Variants in FGR observed in about 807,000 individuals in gnomAD.
The protein encoded by FGR is FGR proto-oncogene, Src family tyrosine kinase.
In FGR, 26 loss-of-function variants were observed where a neutral mutation model predicts 63.2. That is an observed-to-expected ratio of 0.41 (90% CI 0.30 to 0.57). The LOEUF is 0.57. FGR is among the 20% of genes least tolerant of loss of function. The pLI is 0.27. For missense variants in FGR, 511 were observed against 690.8 expected (o/e 0.74, Z 2.92); for synonymous variants, 286 against 277.7 (o/e 1.03, Z -0.30).
chr1:27,614,771 A>G, intron 10 of FGR, 79 bp downstream of exon 10: 1 of 1,425,706 alleles, frequency 7.0e-7, no homozygotes, highest in African/African-American at 1.4e-5. Flanking sequence ...CCGCCCTCCC[A>G]GGCGTTTGAA....
At chr1:27,613,943 C>T (rs753587852) in intron 11 of FGR, among the ~76,000 whole-genome samples, 2 of 152,122 alleles carry the variant, frequency 1.3e-5, no homozygotes, top group Non-Finnish European at 2.9e-5. Flanking sequence ...GATATGCATG[C>T]ATTAACTCAT....
At chr1:27,634,883 T>C (rs2090157102) in intron 1 of FGR, among the ~76,000 whole-genome samples, 182 bp downstream of exon 1, 1 of 152,158 alleles carries the variant, frequency 6.6e-6, no homozygotes, top group African/African-American at 2.4e-5. Context: ...GCTTTTCAGG[T>C]CGCCCGTTTT....
At chr1:27,632,585 C>T (rs2090121205) in intron 1 of FGR, among the ~76,000 whole-genome samples, 1 of 152,202 alleles carries the variant, frequency 6.6e-6, no homozygotes, top group African/African-American at 2.4e-5. Flanking sequence ...CCTTTACCCT[C>T]CATGTGGTCC....
intron 2 of FGR, among the ~76,000 whole-genome samples, chr1:27,624,534 T>A (rs1341223050): frequency 6.6e-6 from 1 of 152,232 alleles, no homozygotes; most frequent in Non-Finnish European, 1.5e-5. Flanking sequence ...TCTCTAAGTA[T>A]GGGTGAGTTT....
Position 27,615,627 on chromosome 1 carries a change from G to A in FGR, c.839-14C>T. ...CGTTCCACGTGCCTGCTCGGAGGCTGTCTTGTCAGGACCCTCTCCCCCGAG... is the reference window on the plus strand; with the variant it reads ...CGTTCCACGTGCCTGCTCGGAGGCTATCTTGTCAGGACCCTCTCCCCCGAG... On this transcript the variant is annotated splice_polypyrimidine_tract_variant and intron_variant, in intron 8 of 12. Transcript: ENST00000374005. The surrounding 1 kb of genome is among the most constrained non-coding windows in gnomAD (Gnocchi z 7.6). 6.2e-7 allele frequency: 1 copy of A among 1,601,722 alleles called. No homozygotes were observed. Among genetic ancestry groups the A allele is most frequent in the Non-Finnish European group, 8.5e-7 (1 of 1,170,018 alleles).
chr1:27,631,219 CAGG>C (rs775987171), intron 1 of FGR, among the ~76,000 whole-genome samples: 4 of 152,192 alleles, frequency 2.6e-5, no homozygotes, highest in Non-Finnish European at 2.9e-5. Flanking sequence ...AAAGCCTGAG[CAGG>C]AGATCATGCT....
rs1236420834 is a variant in FGR, at chr1:27,612,075, G to A, written c.*839C>T. 6.6e-6 allele frequency: 1 copy of A among 152,226 alleles called. No homozygotes were observed. Among genetic ancestry groups the A allele is most frequent in the Non-Finnish European group, 1.5e-5 (1 of 68,042 alleles). The allele number at this position is 152,226 out of a possible 1,614,324, so 9.4% of individuals were successfully genotyped here. On this transcript the variant is annotated 3_prime_UTR_variant, in exon 13 of 13. Coordinates refer to ENST00000374005, the MANE Select transcript of FGR (RefSeq NM_005248.3). ...GATTGAAGGCCATATCAGCAACGAA[G>A]GGGACATTTTAATGTATCTTCAGCT...
In FGR at chr1:27,618,533, G is replaced by A. The variant is rs112095277; in HGVS notation, c.429-1237C>T. On this transcript the variant is annotated intron_variant, in intron 5 of 12. Transcript: ENST00000374005. Reference sequence around the variant, plus strand: ...TGCACTGAGCACCTCTCAGTGCTTGGTGACACTGGCTCCAAGATGTGGACA... The same window carrying A: ...TGCACTGAGCACCTCTCAGTGCTTGATGACACTGGCTCCAAGATGTGGACA... Among the ~76,000 whole-genome samples, 902 of 152,176 alleles carry A rather than the reference G, an allele frequency of 5.9e-3. 15 individuals carry two copies. Among genetic ancestry groups the A allele is most frequent in the African/African-American group, 0.02 (840 of 41,508 alleles).
Position 27,617,321 on chromosome 1 carries a change from C to T in FGR, c.429-25G>A. ...CCTGTTGGGAAAGGCAGGCAAGAGT[C>T]AGGTACGCTCTGCTCAAACCTCACC... On this transcript the variant is annotated intron_variant, in intron 5 of 12. Transcript: ENST00000374005. This position sits in a 1 kb window ranked among gnomAD's most constrained non-coding sequence, Gnocchi z 4.5. The T allele has an allele frequency of 6.4e-7, 1 of 1,560,214 alleles. No homozygotes were observed. Among genetic ancestry groups the T allele is most frequent in the Non-Finnish European group, 8.8e-7 (1 of 1,131,464 alleles).
Position 27,617,130 on chromosome 1 carries a change from G to A in FGR, c.532+63C>T, listed in dbSNP as rs2231875. ...TTGGCCTTAACCCAAGCAGCCTACC[G>A]CTCCTAGCCCTACCCCAATGGCTGG... On this transcript the variant is annotated intron_variant, in intron 6 of 12. Coordinates refer to ENST00000374005, the MANE Select transcript of FGR (RefSeq NM_005248.3). The surrounding 1 kb of genome is among the most constrained non-coding windows in gnomAD (Gnocchi z 4.5). 591 of 1,595,362 alleles carry A rather than the reference G, an allele frequency of 3.7e-4. 3 individuals are homozygous for A. In the African/African-American group the frequency reaches 6.9e-3, roughly 19 times the overall value.
intron 5 of FGR, among the ~76,000 whole-genome samples, chr1:27,620,249 G>A (rs1313441445): frequency 6.6e-6 from 1 of 152,062 alleles, no homozygotes; most frequent in Non-Finnish European, 1.5e-5. Context: ...CTCAGGAGGT[G>A]GAGGTTGCAG....
In FGR at chr1:27,615,401, CG is replaced by C. The variant is rs2089786295; in HGVS notation, c.1018+32del. ...GAAAACTCCCCTCTTAACTTCACCCCGAATCCCGCCCGACCAGGCTCCGCCT... is the reference window on the plus strand; with the variant it reads ...GAAAACTCCCCTCTTAACTTCACCCCAATCCCGCCCGACCAGGCTCCGCCT... On this transcript the variant is annotated intron_variant, in intron 9 of 12. Coordinates refer to ENST00000374005, the MANE Select transcript of FGR (RefSeq NM_005248.3). The surrounding 1 kb of genome is among the most constrained non-coding windows in gnomAD (Gnocchi z 7.6). 6.3e-7 allele frequency: 1 copy of C among 1,582,556 alleles called. No homozygotes were observed. Among genetic ancestry groups the C allele is most frequent in the Admixed American group, 1.7e-5 (1 of 58,898 alleles).
chr1:27,628,432 C>G (rs1175494685), intron 1 of FGR, among the ~76,000 whole-genome samples: 1 of 152,028 alleles, frequency 6.6e-6, no homozygotes, highest in East Asian at 1.9e-4. Context: ...TTGCCTATCA[C>G]AGATACAGAC....
At chr1:27,628,599 C>G (rs897671996) in intron 1 of FGR, among the ~76,000 whole-genome samples, 1 of 150,986 alleles carries the variant, frequency 6.6e-6, no homozygotes, top group Non-Finnish European at 1.5e-5. Flanking sequence ...CCACATAGAG[C>G]TCTCCTCTAT....
intron 1 of FGR, among the ~76,000 whole-genome samples, chr1:27,627,538 T>C (rs2090041521): frequency 6.6e-6 from 1 of 152,158 alleles, no homozygotes; most frequent in African/African-American, 2.4e-5. Context: ...CGCTGGCCAC[T>C]GCATTAAGCA....
At chr1:27,627,447 A>AACACACAC (rs3076985) in intron 1 of FGR, among the ~76,000 whole-genome samples, 2,781 of 148,458 alleles carry the variant, frequency 0.019, 94 homozygotes, top group African/African-American at 0.065. Flanking sequence ...CATGCACATG[A>AACACACAC]ACACACACAC....
chr1:27,615,780 C>T lies in FGR; in HGVS notation c.747G>A (p.Leu249=), dbSNP rs758567124. 6.2e-7 allele frequency: 1 copy of T among 1,602,634 alleles called. No homozygotes were observed. Among genetic ancestry groups the T allele is most frequent in the Non-Finnish European group, 8.5e-7 (1 of 1,174,716 alleles). The stretch of plus-strand genomic sequence containing the variant: ...TCTCCCAGGCGTCCTTGGCCAGGCC[C>T]AGCGTCTGCGGCTTCATGATGGTGC... ...APCTIMKPQT[L]GLAKDAWEIS... Residue 249 remains leucine, a synonymous_variant, in exon 8 of 13, where the codon CTG becomes CTA. Coordinates refer to ENST00000374005, the MANE Select transcript of FGR (RefSeq NM_005248.3). The surrounding 1 kb of genome is among the most constrained non-coding windows in gnomAD (Gnocchi z 7.6).
intron 4 of FGR, among the ~76,000 whole-genome samples, chr1:27,622,288 C>CAA (rs1210861502): frequency 0.03 from 1,258 of 42,140 alleles, 52 homozygotes; most frequent in African/African-American, 0.098. Context: ...GACTCCAACT[C>CAA]AAAAAAAAAA....
At chr1:27,628,576 C>T (rs538049698) in intron 1 of FGR, among the ~76,000 whole-genome samples, 17 of 150,244 alleles carry the variant, frequency 1.1e-4, no homozygotes, top group African/African-American at 2.9e-4. Context: ...CAGCCCTCTC[C>T]GGTGACATGG....
Sources: allele counts gnomAD v4.1 joint callset (sites outside exome capture counted in the v4.1 genomes callset), GRCh38; gene constraint gnomAD v4.1.1; non-coding constraint Gnocchi (gnomAD v3.1); transcripts MANE v1.5; gene names NCBI Gene and HGNC (gene_info 2026-07-23, HGNC 2026-07-21).